Variants in PTPRD observed in about 807,000 individuals in gnomAD.
PTPRD encodes the protein receptor-type tyrosine-protein phosphatase delta.
Under a neutral mutation model 214.5 loss-of-function variants are expected in PTPRD, and 34 were observed. The ratio of observed to expected loss-of-function variants is 0.16; its 90% CI spans 0.12 to 0.21. The LOEUF (loss-of-function observed/expected upper bound fraction) is 0.21, where lower values mean the gene tolerates loss of function less well. Among genes scored for constraint, PTPRD ranks in the 10% least tolerant of loss-of-function variants. The pLI is 1.00. For missense variants in PTPRD, 2,545 were observed against 2,398.7 expected (o/e 1.06, Z -1.27); for synonymous variants, 1,128 against 845.7 (o/e 1.33, Z -5.79).
intron 9 of PTPRD, among the ~76,000 whole-genome samples, chr9:9,277,450 A>C (rs1222811342): frequency 6.6e-6 from 1 of 151,412 alleles, no homozygotes; most frequent in Non-Finnish European, 1.5e-5. Flanking sequence ...TTTAAAATAC[A>C]CATATTTCTG....
intron 22 of PTPRD, among the ~76,000 whole-genome samples, chr9:8,505,341 G>A (rs1411090749): frequency 1.3e-5 from 2 of 152,120 alleles, no homozygotes; most frequent in Admixed American, 6.6e-5. Context: ...AAGAATTCAA[G>A]GCCGGGCACG....
chr9:9,886,472 G>C (rs2070964736), intron 5 of PTPRD, among the ~76,000 whole-genome samples: 1 of 152,148 alleles, frequency 6.6e-6, no homozygotes, highest in African/African-American at 2.4e-5. Context: ...GAAGAAAGGA[G>C]GCTGTGTATT....
intron 3 of PTPRD, among the ~76,000 whole-genome samples, chr9:10,035,535 A>T (rs2097164753): frequency 6.6e-6 from 1 of 152,218 alleles, no homozygotes; most frequent in African/African-American, 2.4e-5. Context: ...GGTGTTGCCT[A>T]GGTTATCTTC....
chr9:9,765,283 G>GT (rs2098697287), intron 6 of PTPRD, among the ~76,000 whole-genome samples: 1 of 152,104 alleles, frequency 6.6e-6, no homozygotes, highest in South Asian at 2.1e-4. Context: ...AAAACATAGA[G>GT]TATGTTTTGG....
chr9:8,839,781 G>A (rs936540195), intron 11 of PTPRD, among the ~76,000 whole-genome samples: 1 of 143,612 alleles, frequency 7.0e-6, no homozygotes, highest in African/African-American at 2.7e-5. Flanking sequence ...GGAGAAATGG[G>A]AAGAAGGGAA....
At chr9:8,737,523 GAA>G (rs368802733) in intron 11 of PTPRD, among the ~76,000 whole-genome samples, 6 of 144,272 alleles carry the variant, frequency 4.2e-5, no homozygotes, top group African/African-American at 1.3e-4. Context: ...TAAGTACTCT[GAA>G]AAAAAAAAAG....
At chr9:8,410,797 A>G (rs1037203527) in intron 35 of PTPRD, among the ~76,000 whole-genome samples, 5 of 152,224 alleles carry the variant, frequency 3.3e-5, no homozygotes, top group African/African-American at 9.6e-5. Flanking sequence ...CTAACATACT[A>G]TATAACAAAT....
intron 11 of PTPRD, among the ~76,000 whole-genome samples, chr9:8,771,682 T>C (rs2095223754): frequency 6.6e-6 from 1 of 152,160 alleles, no homozygotes; most frequent in Non-Finnish European, 1.5e-5. Flanking sequence ...AAAAGAAAAG[T>C]CGAATACTTA....
chr9:8,549,254 T>C (rs2081277483), intron 14 of PTPRD, among the ~76,000 whole-genome samples: 1 of 152,188 alleles, frequency 6.6e-6, no homozygotes, highest in Non-Finnish European at 1.5e-5. Flanking sequence ...TTCATTTTAC[T>C]TAAGGAAAAA....
intron 39 of PTPRD, among the ~76,000 whole-genome samples, chr9:8,365,156 A>C (rs553854805): frequency 4.9e-4 from 75 of 152,158 alleles, no homozygotes; most frequent in Non-Finnish European, 1.0e-3. Context: ...AAATTAAAAA[A>C]AGAGAAGGCT....
intron 3 of PTPRD, among the ~76,000 whole-genome samples, chr9:10,196,386 C>A (rs1593842230): frequency 6.6e-6 from 1 of 152,072 alleles, no homozygotes; most frequent in African/African-American, 2.4e-5. Flanking sequence ...ACATCTGGCA[C>A]AAATTAAGTG....
chr9:10,225,546 T>G (rs1391931742), intron 3 of PTPRD, among the ~76,000 whole-genome samples: 1 of 152,028 alleles, frequency 6.6e-6, no homozygotes, highest in African/African-American at 2.4e-5. Context: ...GAAAATGAAA[T>G]ATTACCATGA....
chr9:9,737,467 GA>G (rs1361301196), intron 6 of PTPRD, among the ~76,000 whole-genome samples: 3 of 152,030 alleles, frequency 2.0e-5, no homozygotes, highest in African/African-American at 7.2e-5. Context: ...CACCTTAAAA[GA>G]AAACCCTATA....
intron 3 of PTPRD, among the ~76,000 whole-genome samples, chr9:10,230,744 G>T (rs1322137): frequency 0.56 from 85,470 of 151,822 alleles, 25,132 homozygotes; most frequent in Non-Finnish European, 0.65. Context: ...ATAAAACTAT[G>T]TTCATTATGT....
intron 5 of PTPRD, among the ~76,000 whole-genome samples, chr9:9,891,904 T>G (rs1405225446): frequency 6.6e-6 from 1 of 152,146 alleles, no homozygotes; most frequent in Non-Finnish European, 1.5e-5. Context: ...GAGCTATAAA[T>G]TTAATTTAAA....
chr9:8,329,160 CGT>C (rs778509029), intron 44 of PTPRD, among the ~76,000 whole-genome samples: 22 of 152,112 alleles, frequency 1.4e-4, no homozygotes, highest in Non-Finnish European at 3.2e-4. Flanking sequence ...TCCCCATCTT[CGT>C]GGATTTATCT....
intron 2 of PTPRD, among the ~76,000 whole-genome samples, chr9:10,608,793 C>T (rs2080166066): frequency 6.6e-6 from 1 of 151,964 alleles, no homozygotes; most frequent in African/African-American, 2.4e-5. Context: ...ATTAATTCTT[C>T]TTCATTCAGT....
At chr9:10,225,994 G>A (rs1175451499) in intron 3 of PTPRD, among the ~76,000 whole-genome samples, 1 of 152,010 alleles carries the variant, frequency 6.6e-6, no homozygotes, top group Non-Finnish European at 1.5e-5. Context: ...TCTTATTTAA[G>A]TCCTACTGCA....
chr9:10,437,502 G>C (rs962263958), intron 2 of PTPRD, among the ~76,000 whole-genome samples: 1 of 151,720 alleles, frequency 6.6e-6, no homozygotes, highest in Admixed American at 6.6e-5. Flanking sequence ...CTTGATATCA[G>C]AAGTTACCTT....
Sources: gnomAD v4.1 joint callset for allele counts (sites outside exome capture counted in the v4.1 genomes callset) on GRCh38, gnomAD v4.1.1 for gene constraint, MANE v1.5 for transcripts, NCBI Gene and HGNC (gene_info 2026-07-23, HGNC 2026-07-21) for gene names.